Variants in SLC24A4 observed in about 807,000 individuals in gnomAD.
SLC24A4 encodes the protein sodium/potassium/calcium exchanger 4.
SLC24A4 carries 53 observed loss-of-function variants against 79.0 expected under a neutral mutation model. The observed-to-expected ratio is 0.67, with a 90% CI of 0.54 to 0.84. The LOEUF is 0.84. Ranked by LOEUF, SLC24A4 falls within the 40% of genes least tolerant of loss-of-function variation. SLC24A4 has a pLI of 0.00. For missense variants in SLC24A4, 731 were observed against 822.0 expected (o/e 0.89, Z 1.35); for synonymous variants, 323 against 323.8 (o/e 1.00, Z 0.03).
rs540116512 is a variant in SLC24A4, at chr14:92,454,035, G to A, written c.1016G>A (p.Arg339Gln). 4.9e-5 allele frequency: 79 copies of A among 1,613,092 alleles called. No homozygotes were observed. The highest frequency in any genetic ancestry group is 1.9e-4 in the South Asian group (17 of 90,788). The change falls in exon 11 of 17, where the codon CGA becomes CAA. Residue 339 changes from arginine to glutamine, a missense_variant. Physicochemically the swap from Arg to Gln is conservative, Grantham distance 43. Transcript: ENST00000532405. ...MITNKFGPRT[R>Q]LRMASRIIIN... ...ACCAATAAGTTTGGACCCAGGACCCGACTACGGATGGCCAGCAGGATCATC... is the reference window on the plus strand; with the variant it reads ...ACCAATAAGTTTGGACCCAGGACCCAACTACGGATGGCCAGCAGGATCATC...
intron 2 of SLC24A4, among the ~76,000 whole-genome samples, chr14:92,415,602 C>T (rs909559244): frequency 6.6e-6 from 1 of 151,942 alleles, no homozygotes; most frequent in African/African-American, 2.4e-5. Flanking sequence ...GGATTGTAAG[C>T]GCCCACAACC....
In SLC24A4 at chr14:92,493,879, C is replaced by T. The variant is rs1895835205; in HGVS notation, c.*251C>T. Reference sequence around the variant, plus strand: ...CATTATCTGAGCAGCTTCAAAGACCCCTGAGCTGCCAACCACGGAGATGTG... The same window carrying T: ...CATTATCTGAGCAGCTTCAAAGACCTCTGAGCTGCCAACCACGGAGATGTG... On this transcript the variant is annotated 3_prime_UTR_variant, in exon 17 of 17. Transcript: ENST00000532405. 1.9e-6 allele frequency: 1 copy of T among 517,032 alleles called. No individual in the cohort carries two copies. The highest frequency in any genetic ancestry group is 3.5e-6 in the Non-Finnish European group (1 of 289,442). The allele number at this position is 517,032 out of a possible 1,614,324, so 32.0% of individuals were successfully genotyped here.
intron 12 of SLC24A4, 36 bp from the exon 13 acceptor site, chr14:92,482,644 C>T (rs779793312): frequency 5.8e-6 from 9 of 1,560,772 alleles, no homozygotes; most frequent in Non-Finnish European, 7.8e-6. Flanking sequence ...GTCTTTCTCT[C>T]CCCCTCCTTT....
In SLC24A4 at chr14:92,434,129, C is replaced by T. The variant is rs913749300; in HGVS notation, c.318+141C>T. ...AGAGCGGAGACTGGGCATGTTTTACCCACACAGAAAGGATGTCTTAAACGT... is the reference window on the plus strand; with the variant it reads ...AGAGCGGAGACTGGGCATGTTTTACTCACACAGAAAGGATGTCTTAAACGT... On this transcript the variant is annotated intron_variant, in intron 3 of 16. Coordinates refer to ENST00000532405, the MANE Select transcript of SLC24A4 (RefSeq NM_153646.4). 1.3e-5 allele frequency: 9 copies of T among 700,924 alleles called. No homozygotes were observed. The African/African-American group carries it at 1.6e-4, about 12-fold the overall frequency. The allele number at this position is 700,924 out of a possible 1,614,324, so 43.4% of individuals were successfully genotyped here.
At chr14:92,425,588 C>A (rs560830663) in intron 2 of SLC24A4, among the ~76,000 whole-genome samples, 16 of 152,316 alleles carry the variant, frequency 1.1e-4, no homozygotes, top group African/African-American at 3.6e-4. Context: ...ATTGTCTGTT[C>A]GTATTAATTC....
intron 2 of SLC24A4, among the ~76,000 whole-genome samples, chr14:92,333,094 G>T (rs193288223): frequency 6.6e-6 from 1 of 152,064 alleles, no homozygotes; most frequent in East Asian, 1.9e-4. Flanking sequence ...CCAACTTCTG[G>T]GTTTAAAAAA....
intron 2 of SLC24A4, among the ~76,000 whole-genome samples, chr14:92,340,372 A>C (rs1886060400): frequency 6.6e-6 from 1 of 152,270 alleles, no homozygotes. Flanking sequence ...TTCACAGAGC[A>C]TGCAGCATTT....
At chr14:92,461,920 G>A (rs1194935591) in intron 12 of SLC24A4, among the ~76,000 whole-genome samples, 1 of 152,196 alleles carries the variant, frequency 6.6e-6, no homozygotes, top group African/African-American at 2.4e-5. Flanking sequence ...AGCTCTGCAG[G>A]TGCAATGAGC....
chr14:92,469,599 A>G (rs1894323227), intron 12 of SLC24A4, among the ~76,000 whole-genome samples: 1 of 152,214 alleles, frequency 6.6e-6, no homozygotes, highest in Non-Finnish European at 1.5e-5. Context: ...ATATGTCCAC[A>G]TGCAAACTTA....
intron 2 of SLC24A4, among the ~76,000 whole-genome samples, chr14:92,404,681 G>A (rs1161591550): frequency 1.3e-5 from 2 of 152,114 alleles, no homozygotes; most frequent in East Asian, 3.9e-4. Flanking sequence ...TCTAAAGCAT[G>A]CATCCCTTCA....
chr14:92,482,650 C>G (rs984368869), intron 12 of SLC24A4, 30 bp from the exon 13 acceptor site: 1 of 1,571,022 alleles, frequency 6.4e-7, no homozygotes, highest in Admixed American at 1.8e-5. Context: ...CTCTCCCCCT[C>G]CTTTCTCACT....
chr14:92,459,448 G>A (rs1893670178), intron 12 of SLC24A4, among the ~76,000 whole-genome samples: 1 of 152,098 alleles, frequency 6.6e-6, no homozygotes, highest in Non-Finnish European at 1.5e-5. Flanking sequence ...CCCTTGCTTG[G>A]GGGCAGGACT....
chr14:92,343,634 T>TTCTTTCTC (rs1239061487), intron 2 of SLC24A4, among the ~76,000 whole-genome samples: 1 of 97,524 alleles, frequency 1.0e-5, no homozygotes, highest in East Asian at 3.2e-4. Flanking sequence ...CTTTCTTTCT[T>TTCTTTCTC]TCTTTCTCTC....
chr14:92,334,802 T>C (rs923932996), intron 2 of SLC24A4, among the ~76,000 whole-genome samples: 53 of 152,132 alleles, frequency 3.5e-4, no homozygotes, highest in African/African-American at 1.2e-3. Flanking sequence ...TGTCTCACAG[T>C]GCTGCTGTGT....
At chr14:92,429,863 A>G (rs1891766856) in intron 2 of SLC24A4, among the ~76,000 whole-genome samples, 1 of 152,214 alleles carries the variant, frequency 6.6e-6, no homozygotes, top group Non-Finnish European at 1.5e-5. Context: ...GACTGGGAGC[A>G]GGCTTCAAGG....
At chr14:92,432,748 C>T (rs1419228836) in intron 2 of SLC24A4, among the ~76,000 whole-genome samples, 1 of 152,162 alleles carries the variant, frequency 6.6e-6, no homozygotes, top group Admixed American at 6.5e-5. Context: ...CTGGTGTTTT[C>T]TGTGGCTTGC....
At chr14:92,373,102 A>G (rs1393503658) in intron 2 of SLC24A4, among the ~76,000 whole-genome samples, 1 of 151,132 alleles carries the variant, frequency 6.6e-6, no homozygotes, top group Non-Finnish European at 1.5e-5. Flanking sequence ...TCCTGGGTCA[A>G]GCAATTCCTG....
rs114652896 is a variant in SLC24A4, at chr14:92,381,909, C to T, written c.242-52003C>T. On this transcript the variant is annotated intron_variant, in intron 2 of 16. Transcript: ENST00000532405. Reference sequence around the variant, plus strand: ...GTAAGGCGGAGAGCCCTGTTTTAGGCGGTCATGTATGTTCTTTAATTCACC... The same window carrying T: ...GTAAGGCGGAGAGCCCTGTTTTAGGTGGTCATGTATGTTCTTTAATTCACC... Among the ~76,000 whole-genome samples the T allele has an allele frequency of 1.6e-3, 245 of 152,234 alleles. 1 individual carries two copies. Among genetic ancestry groups the T allele is most frequent in the Middle Eastern group, 6.8e-3 (2 of 294 alleles).
At chr14:92,480,153 T>TA (rs397936668) in intron 12 of SLC24A4, among the ~76,000 whole-genome samples, 33 of 151,422 alleles carry the variant, frequency 2.2e-4, no homozygotes, top group African/African-American at 7.5e-4. Flanking sequence ...TATTTTTTTT[T>TA]ATTTTCTATT....
Sources: allele counts gnomAD v4.1 joint callset (sites outside exome capture counted in the v4.1 genomes callset), GRCh38; gene constraint gnomAD v4.1.1; transcripts MANE v1.5; gene names NCBI Gene and HGNC (gene_info 2026-07-23, HGNC 2026-07-21).